Variants in DNM3 observed in about 807,000 individuals in gnomAD.
DNM3 encodes dynamin-3.
DNM3 carries 47 observed loss-of-function variants against 101.6 expected under a neutral mutation model. The ratio of observed to expected loss-of-function variants is 0.46; its 90% CI spans 0.37 to 0.59. The LOEUF (loss-of-function observed/expected upper bound fraction) is 0.59. Among genes scored for constraint, DNM3 ranks in the 20% least tolerant of loss-of-function variants. DNM3 has a pLI of 0.00. For missense variants in DNM3, 849 were observed against 1,085.7 expected (o/e 0.78, Z 3.06); for synonymous variants, 385 against 387.9 (o/e 0.99, Z 0.09).
At chr1:171,867,657 A>G (rs1385183440) in intron 1 of DNM3, among the ~76,000 whole-genome samples, 3 of 152,224 alleles carry the variant, frequency 2.0e-5, no homozygotes, top group Non-Finnish European at 4.4e-5. Flanking sequence ...TTTGTGGAAT[A>G]ATGTTTTCAT....
intron 14 of DNM3, among the ~76,000 whole-genome samples, chr1:172,143,359 G>C (rs1300258706): frequency 6.6e-6 from 1 of 152,160 alleles, no homozygotes; most frequent in Non-Finnish European, 1.5e-5. Context: ...TGGGGGTTAA[G>C]AAAATTAGGG....
chr1:172,001,186 A>T (rs1420228108), intron 4 of DNM3, among the ~76,000 whole-genome samples: 1 of 152,096 alleles, frequency 6.6e-6, no homozygotes, highest in African/African-American at 2.4e-5. Context: ...TAAATTGATT[A>T]GTGGGGAGAT....
rs1346129941 is a variant in DNM3 at position 172,131,195 on chromosome 1, C to T, written c.1566C>T (p.Leu522=). The T allele has an allele frequency of 2.5e-6, 4 of 1,613,336 alleles. No individual in the cohort carries two copies. The South Asian group carries it at 3.3e-5, about 13-fold the overall frequency. ...CGTAGGTGATTCGCAAGGGGTGGCTCACCATCAGCAACATTGGCATCATGA... is the reference window on the plus strand; with the variant it reads ...CGTAGGTGATTCGCAAGGGGTGGCTTACCATCAGCAACATTGGCATCATGA... ...VGNQVIRKGW[L]TISNIGIMKG... is the part of the protein sequence containing the mutation. The change falls in exon 14 of 21, where the codon CTC becomes CTT. Residue 522 remains leucine (L), a synonymous_variant. Coordinates refer to ENST00000627582, the MANE Select transcript of DNM3 (RefSeq NM_015569.5).
At chr1:172,035,112 A>C (rs556313339) in intron 6 of DNM3, among the ~76,000 whole-genome samples, 1 of 152,226 alleles carries the variant, frequency 6.6e-6, no homozygotes, top group East Asian at 1.9e-4. Flanking sequence ...ATGTTCAGGA[A>C]AATTGAGGAC....
chr1:172,269,690 A>G (rs1476136148), intron 15 of DNM3, among the ~76,000 whole-genome samples: 1 of 152,150 alleles, frequency 6.6e-6, no homozygotes, highest in Non-Finnish European at 1.5e-5. Flanking sequence ...ATAAGTTTAT[A>G]TTTTGGTTAC....
At chr1:172,259,577 G>A (rs901562368) in intron 15 of DNM3, among the ~76,000 whole-genome samples, 31 of 151,924 alleles carry the variant, frequency 2.0e-4, no homozygotes, top group African/African-American at 6.5e-4. Flanking sequence ...ACTCACTTTT[G>A]AGCACCATTT....
intron 1 of DNM3, among the ~76,000 whole-genome samples, chr1:171,897,104 A>G (rs966554790): frequency 6.6e-6 from 1 of 152,158 alleles, no homozygotes; most frequent in Non-Finnish European, 1.5e-5. Flanking sequence ...CTTCATGTGT[A>G]ACATTGCGTT....
intron 1 of DNM3, among the ~76,000 whole-genome samples, chr1:171,873,117 A>C (rs959436126): frequency 2.6e-5 from 4 of 152,176 alleles, no homozygotes; most frequent in Non-Finnish European, 5.9e-5. Context: ...AGTCAAGTTG[A>C]ATCATATAAG....
intron 17 of DNM3, among the ~76,000 whole-genome samples, chr1:172,367,180 G>A: frequency 6.6e-6 from 1 of 151,492 alleles, no homozygotes; most frequent in Non-Finnish European, 1.5e-5. Context: ...TATAGGCTAG[G>A]AAAGAATGGG....
intron 14 of DNM3, among the ~76,000 whole-genome samples, chr1:172,141,374 G>A (rs2057571072): frequency 6.6e-6 from 1 of 152,034 alleles, no homozygotes; most frequent in African/African-American, 2.4e-5. Flanking sequence ...TTTTAAGCCA[G>A]GATTTCTGAG....
intron 2 of DNM3, among the ~76,000 whole-genome samples, chr1:171,973,366 T>G (rs2044150652): frequency 1.3e-5 from 2 of 152,294 alleles, no homozygotes; most frequent in Admixed American, 1.3e-4. Flanking sequence ...CTAAGGCTTT[T>G]GCTATTTAGA....
At chr1:172,351,624 G>C (rs1467268215) in intron 17 of DNM3, among the ~76,000 whole-genome samples, 3 of 152,124 alleles carry the variant, frequency 2.0e-5, no homozygotes, top group Admixed American at 6.5e-5. Context: ...AATAAGTTTG[G>C]ATGTTTTCAA....
At chr1:171,971,894 G>A (rs115111060) in intron 2 of DNM3, among the ~76,000 whole-genome samples, 1,821 of 152,246 alleles carry the variant, frequency 0.012, 26 homozygotes, top group African/African-American at 0.042. Flanking sequence ...GACCAGAAGG[G>A]GAGGAGATGG....
intron 1 of DNM3, among the ~76,000 whole-genome samples, chr1:171,848,759 A>G (rs2032540732): frequency 6.6e-6 from 1 of 152,164 alleles, no homozygotes; most frequent in Non-Finnish European, 1.5e-5. Flanking sequence ...AATGTTATAG[A>G]GATTATTTTA....
intron 15 of DNM3, among the ~76,000 whole-genome samples, chr1:172,274,799 C>A (rs1027509590): frequency 6.7e-6 from 1 of 150,020 alleles, no homozygotes; most frequent in East Asian, 2.0e-4. Flanking sequence ...CAGTTTGCAA[C>A]TTGCATGGCA....
At chr1:172,302,758 C>A (rs887067393) in intron 15 of DNM3, among the ~76,000 whole-genome samples, 3 of 152,140 alleles carry the variant, frequency 2.0e-5, no homozygotes, top group Non-Finnish European at 4.4e-5. Context: ...GGACCTCCAG[C>A]AAACTCCAAC....
chr1:171,996,088 T>C (rs973338569), intron 4 of DNM3, among the ~76,000 whole-genome samples: 6 of 152,162 alleles, frequency 3.9e-5, no homozygotes, highest in African/African-American at 1.4e-4. Flanking sequence ...GGGATGTATT[T>C]ACATATATTT....
At chr1:172,268,727 A>G (rs897281575) in intron 15 of DNM3, among the ~76,000 whole-genome samples, 1 of 152,188 alleles carries the variant, frequency 6.6e-6, no homozygotes, top group Non-Finnish European at 1.5e-5. Flanking sequence ...TAATTTCTTG[A>G]GTATGAAATG....
intron 14 of DNM3, among the ~76,000 whole-genome samples, chr1:172,216,082 G>A (rs577983837): frequency 6.6e-6 from 1 of 150,952 alleles, no homozygotes; most frequent in African/African-American, 2.4e-5. Context: ...CAAACCTGCT[G>A]TCAAGGAAAT....
Sources: allele counts gnomAD v4.1 joint callset (sites outside exome capture counted in the v4.1 genomes callset), GRCh38; gene constraint gnomAD v4.1.1; transcripts MANE v1.5; gene names NCBI Gene and HGNC (gene_info 2026-07-23, HGNC 2026-07-21).